Variants in RB1CC1 observed in about 807,000 individuals in gnomAD.
RB1CC1 encodes the protein RB1-inducible coiled-coil protein 1.
RB1CC1 carries 46 observed loss-of-function variants against 177.5 expected under a neutral mutation model. The observed-to-expected ratio is 0.26, with a 90% confidence interval of 0.20 to 0.33. The LOEUF is 0.33. RB1CC1 is among the 10% of genes least tolerant of loss of function. The probability of loss-of-function intolerance (pLI) is 1.00; values close to 1 mark genes in which losing one functional copy is unlikely to be tolerated. For missense variants in RB1CC1, 1,703 were observed against 1,816.3 expected (o/e 0.94, Z 1.13); for synonymous variants, 666 against 613.6 (o/e 1.09, Z -1.26).
At chr8:52,628,206 C>T in intron 21 of RB1CC1, 38 bp from the exon 22 acceptor site, 1 of 1,579,520 alleles carries the variant, frequency 6.3e-7, no homozygotes, top group Non-Finnish European at 8.7e-7. Context: ...CTTAGAGTTA[C>T]TTTCAATCCC....
intron 20 of RB1CC1, among the ~76,000 whole-genome samples, chr8:52,633,537 T>A (rs956415602): frequency 1.3e-5 from 2 of 152,166 alleles, no homozygotes; most frequent in Non-Finnish European, 2.9e-5. Flanking sequence ...GCTGTTCAAG[T>A]TAAGGTATAA....
chr8:52,636,224 A>G (rs753160289), intron 18 of RB1CC1, among the ~76,000 whole-genome samples, 155 bp from the exon 19 acceptor site: 5 of 152,200 alleles, frequency 3.3e-5, no homozygotes, highest in Non-Finnish European at 7.4e-5. Flanking sequence ...TGTAATTTCA[A>G]TGTTGTATAT....
At chr8:52,646,638 G>C (rs887953136) in intron 15 of RB1CC1, among the ~76,000 whole-genome samples, 13 of 152,260 alleles carry the variant, frequency 8.5e-5, no homozygotes, top group East Asian at 7.7e-4. Flanking sequence ...GCGCTTACAC[G>C]AACAAATCTA....
In RB1CC1 at chr8:52,645,687, A is replaced by G; in HGVS notation, c.3987+15T>C. 4 of 1,602,042 alleles carry G rather than the reference A, an allele frequency of 2.5e-6. No homozygotes were observed. The highest frequency in any genetic ancestry group is 3.4e-6 in the Non-Finnish European group (4 of 1,175,838). On this transcript the variant is annotated intron_variant, in intron 16 of 23. Coordinates refer to ENST00000025008, the MANE Select transcript of RB1CC1 (RefSeq NM_014781.5). ...TTCTTTAGTTCTCAAATGAAATGGG[A>G]AAAGAGATACAGACCTGTTGTTCCG...
chr8:52,698,723 T>A (rs1855718868), intron 1 of RB1CC1, among the ~76,000 whole-genome samples: 1 of 85,344 alleles, frequency 1.2e-5, no homozygotes, highest in Non-Finnish European at 2.1e-5. Context: ...TTTTTTTTTT[T>A]TTTTGAGACA....
intron 16 of RB1CC1, 44 bp downstream of exon 16, chr8:52,645,658 T>C (rs1303732364): frequency 6.4e-7 from 1 of 1,567,394 alleles, no homozygotes; most frequent in Non-Finnish European, 8.7e-7. Context: ...AATTTATGTC[T>C]ACCTTCTTTA....
intron 22 of RB1CC1, 135 bp from the exon 23 acceptor site, chr8:52,624,922 A>G: frequency 1.7e-6 from 1 of 594,962 alleles, no homozygotes; most frequent in South Asian, 2.6e-5. Flanking sequence ...AAAACTACCG[A>G]AATCACTGAA....
chr8:52,665,253 T>C (rs1328478799), intron 8 of RB1CC1, among the ~76,000 whole-genome samples: 1 of 152,146 alleles, frequency 6.6e-6, no homozygotes, highest in East Asian at 1.9e-4. Flanking sequence ...ATATGATAAA[T>C]TCTAACAAAA....
intron 22 of RB1CC1, among the ~76,000 whole-genome samples, chr8:52,627,806 C>T (rs1319281070): frequency 6.6e-6 from 1 of 152,132 alleles, no homozygotes; most frequent in East Asian, 1.9e-4. Context: ...AATCACTGCA[C>T]ATTCTGATCA....
intron 22 of RB1CC1, among the ~76,000 whole-genome samples, chr8:52,626,425 CTT>C (rs1319111236): frequency 6.6e-6 from 1 of 152,000 alleles, no homozygotes; most frequent in African/African-American, 2.4e-5. Flanking sequence ...TAAGATGTAA[CTT>C]ATCATCATAC....
At chr8:52,640,443 A>G (rs773795495) in intron 18 of RB1CC1, among the ~76,000 whole-genome samples, 13 of 152,256 alleles carry the variant, frequency 8.5e-5, no homozygotes, top group Non-Finnish European at 1.6e-4. Flanking sequence ...GAATGTACAC[A>G]TGTAACTACA....
intron 8 of RB1CC1, among the ~76,000 whole-genome samples, chr8:52,666,789 G>T (rs547728356): frequency 2.8e-4 from 43 of 151,442 alleles, no homozygotes; most frequent in African/African-American, 1.0e-3. Context: ...AAGAGAAAAA[G>T]TTAAAATGTA....
intron 5 of RB1CC1, among the ~76,000 whole-genome samples, chr8:52,678,270 A>G (rs558577436): frequency 3.8e-4 from 58 of 152,224 alleles, no homozygotes; most frequent in African/African-American, 1.3e-3. Flanking sequence ...TACAAAAATT[A>G]GCTGGGTGTG....
intron 18 of RB1CC1, among the ~76,000 whole-genome samples, chr8:52,640,356 T>C (rs1376183100): frequency 6.6e-6 from 1 of 152,150 alleles, no homozygotes; most frequent in South Asian, 2.1e-4. Context: ...TATCTCAAAA[T>C]AGCTAGAAAA....
intron 18 of RB1CC1, among the ~76,000 whole-genome samples, chr8:52,639,197 A>G (rs1197033201): frequency 6.6e-6 from 1 of 152,136 alleles, no homozygotes; most frequent in Non-Finnish European, 1.5e-5. Flanking sequence ...ATTTCCATCT[A>G]TCTTTCCACG....
intron 13 of RB1CC1, 101 bp downstream of exon 13, chr8:52,658,772 T>A (rs1427596203): frequency 1.4e-6 from 1 of 700,392 alleles, no homozygotes; most frequent in Non-Finnish European, 2.2e-6. Context: ...ATATTTCTTA[T>A]CTTGGCACCT....
chr8:52,682,767 T>C (rs1413764670), intron 5 of RB1CC1, among the ~76,000 whole-genome samples: 2 of 152,186 alleles, frequency 1.3e-5, no homozygotes, highest in Non-Finnish European at 2.9e-5. Flanking sequence ...TTTTTTAAAA[T>C]TTTGTCCTCT....
At chr8:52,638,146 G>C (rs533199851) in intron 18 of RB1CC1, among the ~76,000 whole-genome samples, 2 of 152,288 alleles carry the variant, frequency 1.3e-5, no homozygotes, top group African/African-American at 4.8e-5. Context: ...CTTTCAATAG[G>C]TTGAGGAAGT....
chr8:52,690,045 A>C (rs540255933), intron 1 of RB1CC1, among the ~76,000 whole-genome samples: 1 of 152,332 alleles, frequency 6.6e-6, no homozygotes. Flanking sequence ...AAACGCACTT[A>C]ACAGATTGAC....
Sources: gnomAD v4.1 joint callset for allele counts (sites outside exome capture counted in the v4.1 genomes callset) on GRCh38, gnomAD v4.1.1 for gene constraint, MANE v1.5 for transcripts, NCBI Gene and HGNC (gene_info 2026-07-23, HGNC 2026-07-21) for gene names.